The following PDE4D variants were observed in gnomAD, a reference collection of about 807,000 sequenced individuals.
PDE4D encodes the protein 3',5'-cyclic-AMP phosphodiesterase 4D.
PDE4D carries 24 observed loss-of-function variants against 87.4 expected under a neutral mutation model. That is an observed-to-expected ratio of 0.27 (90% CI 0.20 to 0.39). The LOEUF is 0.39. Ranked by LOEUF, PDE4D falls within the 10% of genes least tolerant of loss-of-function variation. The pLI is 1.00. For synonymous variants in PDE4D, 384 were observed against 383.2 expected (o/e 1.00, Z -0.02); for missense variants, 714 against 1,041.0 (o/e 0.69, Z 4.32).
chr5:60,244,356 T>A (rs565333276), intron 1 of PDE4D, among the ~76,000 whole-genome samples: 1 of 152,118 alleles, frequency 6.6e-6, no homozygotes, highest in Non-Finnish European at 1.5e-5. Flanking sequence ...ATGAATATTG[T>A]TAAAATGTCC....
At chr5:60,045,601 A>G (rs1283440809) in intron 2 of PDE4D, among the ~76,000 whole-genome samples, 1 of 152,124 alleles carries the variant, frequency 6.6e-6, no homozygotes, top group Non-Finnish European at 1.5e-5. Context: ...TTTTCCCAGC[A>G]CCATTTATTA....
At chr5:59,590,632 C>A (rs1382241891) in intron 1 of PDE4D, among the ~76,000 whole-genome samples, 2 of 152,138 alleles carry the variant, frequency 1.3e-5, no homozygotes, top group African/African-American at 4.8e-5. Flanking sequence ...ATTGGCATAA[C>A]CTCAGTGAAG....
chr5:59,531,074 A>T (rs1341020854), intron 1 of PDE4D, among the ~76,000 whole-genome samples: 1 of 152,242 alleles, frequency 6.6e-6, no homozygotes, highest in Non-Finnish European at 1.5e-5. Flanking sequence ...CTGTTTGCTT[A>T]TAGAAAAATA....
At chr5:59,827,306 A>C (rs921335970) in intron 1 of PDE4D, among the ~76,000 whole-genome samples, 4 of 151,986 alleles carry the variant, frequency 2.6e-5, no homozygotes, top group African/African-American at 7.2e-5. Context: ...CTCTTAATGC[A>C]CTCAACTAAG....
chr5:59,498,339 C>A (rs527398169), intron 1 of PDE4D, among the ~76,000 whole-genome samples: 92 of 150,802 alleles, frequency 6.1e-4, no homozygotes, highest in Non-Finnish European at 7.3e-4. Flanking sequence ...TTAACTTTTG[C>A]ATAGTCAAAA....
chr5:59,877,394 A>T (rs1273364606), intron 1 of PDE4D, among the ~76,000 whole-genome samples: 1 of 151,792 alleles, frequency 6.6e-6, no homozygotes, highest in Admixed American at 6.6e-5. Flanking sequence ...CAATAAACAT[A>T]CATGTTCATA....
chr5:60,328,516 A>T (rs1182424921), intron 1 of PDE4D, among the ~76,000 whole-genome samples: 1 of 152,216 alleles, frequency 6.6e-6, no homozygotes, highest in African/African-American at 2.4e-5. Flanking sequence ...ATTGCTGTAT[A>T]ATATTTCACT....
chr5:59,122,068 G>T (rs1774604692), intron 5 of PDE4D, among the ~76,000 whole-genome samples: 1 of 143,714 alleles, frequency 7.0e-6, no homozygotes, highest in African/African-American at 2.6e-5. Flanking sequence ...CTTGAACCCG[G>T]GAGGCGGAGG....
At chr5:59,716,267 G>T (rs1221281262) in intron 1 of PDE4D, among the ~76,000 whole-genome samples, 1 of 152,198 alleles carries the variant, frequency 6.6e-6, no homozygotes, top group African/African-American at 2.4e-5. Flanking sequence ...TCTGTAAAAG[G>T]TACAACTACG....
At chr5:60,268,113 C>G (rs976448761) in intron 1 of PDE4D, among the ~76,000 whole-genome samples, 3 of 152,164 alleles carry the variant, frequency 2.0e-5, no homozygotes, top group African/African-American at 7.2e-5. Context: ...ATGAAAAATT[C>G]TAGAGCAGAC....
At chr5:59,269,207 A>G (rs1266137670) in intron 1 of PDE4D, among the ~76,000 whole-genome samples, 1 of 152,120 alleles carries the variant, frequency 6.6e-6, no homozygotes, top group African/African-American at 2.4e-5. Flanking sequence ...TTGAAATACC[A>G]AAAGAAGCGT....
At chr5:60,322,168 T>C (rs970372565) in intron 1 of PDE4D, among the ~76,000 whole-genome samples, 1 of 152,086 alleles carries the variant, frequency 6.6e-6, no homozygotes, top group Non-Finnish European at 1.5e-5. Flanking sequence ...TGTCCATCAG[T>C]GGTGGACTGC....
chr5:59,127,823 T>A (rs150806393), intron 5 of PDE4D, among the ~76,000 whole-genome samples: 70 of 152,008 alleles, frequency 4.6e-4, no homozygotes, highest in African/African-American at 1.6e-3. Flanking sequence ...CAGCAAAATG[T>A]GGACCGGATT....
intron 2 of PDE4D, among the ~76,000 whole-genome samples, chr5:59,202,591 C>A (rs1747743050): frequency 6.6e-6 from 1 of 151,924 alleles, no homozygotes; most frequent in Admixed American, 6.6e-5. Context: ...TTAACTCCGA[C>A]AACTTCCACA....
At chr5:59,645,829 G>A (rs1052887000) in intron 1 of PDE4D, among the ~76,000 whole-genome samples, 13 of 152,160 alleles carry the variant, frequency 8.5e-5, no homozygotes, top group African/African-American at 2.7e-4. Flanking sequence ...ACAGTCCTAA[G>A]AATGTATATG....
At chr5:59,403,184 G>C (rs1790996459) in intron 1 of PDE4D, among the ~76,000 whole-genome samples, 1 of 151,902 alleles carries the variant, frequency 6.6e-6, no homozygotes, top group Non-Finnish European at 1.5e-5. Flanking sequence ...CAGATAGATA[G>C]ATAGATTGAT....
intron 5 of PDE4D, among the ~76,000 whole-genome samples, chr5:59,145,412 G>A (rs1234980855): frequency 6.6e-6 from 1 of 152,134 alleles, no homozygotes; most frequent in East Asian, 1.9e-4. Flanking sequence ...CACTTTTGAT[G>A]TACAGAGGTT....
intron 1 of PDE4D, among the ~76,000 whole-genome samples, chr5:59,317,813 G>A (rs1205353384): frequency 2.0e-5 from 3 of 152,104 alleles, no homozygotes; most frequent in African/African-American, 4.8e-5. Context: ...TATGCAGCTG[G>A]ATGTTCTCAG....
chr5:59,926,588 TAAAC>T (rs1755312357), intron 3 of PDE4D, among the ~76,000 whole-genome samples: 1 of 152,084 alleles, frequency 6.6e-6, no homozygotes, highest in African/African-American at 2.4e-5. Context: ...TTTGAAAAGA[TAAAC>T]AAAATTGACA....
Sources: gnomAD v4.1 joint callset for allele counts (sites outside exome capture counted in the v4.1 genomes callset) on GRCh38, gnomAD v4.1.1 for gene constraint, MANE v1.5 for transcripts, NCBI Gene and HGNC (gene_info 2026-07-23, HGNC 2026-07-21) for gene names.